GREM2: variants seen among roughly 807,000 people sequenced by gnomAD.
GREM2 encodes gremlin 2, DAN family BMP antagonist.
GREM2 carries 11 observed loss-of-function variants against 14.2 expected under a neutral mutation model. The ratio of observed to expected loss-of-function variants is 0.78; its 90% CI spans 0.49 to 1.28. GREM2 has a LOEUF of 1.28. Among genes scored for constraint, GREM2 ranks in the 50% most tolerant of loss-of-function variants. The pLI is 0.00. For synonymous variants in GREM2, 98 were observed against 97.6 expected, an observed-to-expected ratio of 1.00 and a Z score of -0.02; for missense variants, 210 against 218.5, an observed-to-expected ratio of 0.96 and a Z score of 0.24.
Position 240,545,365 on chromosome 1 carries a change from C to T in GREM2, c.-1-51889G>A, listed in dbSNP as rs533522706. On this transcript the variant is annotated intron_variant, in intron 1 of 1. Coordinates refer to ENST00000318160, the MANE Select transcript of GREM2 (RefSeq NM_022469.4). ...CATGGAAGCTCCACGCCTCTTCGTG[C>T]GTGCCTTGTCCTATACGTCTCTTCA... 9.8e-5 allele frequency among the ~76,000 whole-genome samples: 15 copies of T among 152,360 alleles called. No homozygotes were observed. In the East Asian group the frequency reaches 2.1e-3, roughly 22 times the overall value.
chr1:240,603,376 A>T (rs1232084965), intron 1 of GREM2, among the ~76,000 whole-genome samples: 1 of 152,174 alleles, frequency 6.6e-6, no homozygotes, highest in East Asian at 1.9e-4. Flanking sequence ...GAAGAGATAC[A>T]CATCTCCTCT....
rs145051078 is a variant in GREM2 at position 240,561,032 on chromosome 1, G to A, written c.-2+50852C>T. 1.7e-3 allele frequency among the ~76,000 whole-genome samples: 263 copies of A among 152,162 alleles called. 2 individuals carry two copies. Among genetic ancestry groups the A allele is most frequent in the African/African-American group, 5.9e-3 (243 of 41,502 alleles). On this transcript the variant is annotated intron_variant, in intron 1 of 1. Transcript: ENST00000318160. Reference sequence around the variant, plus strand: ...CTATTTAAGAAAGTTTAGGTCACACGACTTAAGAAATAGATAAGCATCAAT... The same window carrying A: ...CTATTTAAGAAAGTTTAGGTCACACAACTTAAGAAATAGATAAGCATCAAT...
chr1:240,508,702 A>G (rs887381194), intron 1 of GREM2, among the ~76,000 whole-genome samples: 4 of 152,196 alleles, frequency 2.6e-5, no homozygotes, highest in Non-Finnish European at 1.5e-5. Flanking sequence ...TTAACAATCT[A>G]TTACTTGTAT....
intron 1 of GREM2, among the ~76,000 whole-genome samples, chr1:240,549,382 G>C (rs1678800962): frequency 6.6e-6 from 1 of 150,982 alleles, no homozygotes; most frequent in South Asian, 2.1e-4. Flanking sequence ...TGTGCAGATA[G>C]AGAACAGGAG....
chr1:240,514,111 G>A (rs1287761542), intron 1 of GREM2, among the ~76,000 whole-genome samples: 1 of 152,030 alleles, frequency 6.6e-6, no homozygotes, highest in Non-Finnish European at 1.5e-5. Flanking sequence ...GCCAGGCGTG[G>A]TGGCATGCAT....
chr1:240,509,646 G>A (rs1341569145), intron 1 of GREM2, among the ~76,000 whole-genome samples: 2 of 152,104 alleles, frequency 1.3e-5, no homozygotes, highest in African/African-American at 4.8e-5. Flanking sequence ...GGGATTACAG[G>A]CATGAGCCAC....
intron 1 of GREM2, among the ~76,000 whole-genome samples, chr1:240,535,893 T>C (rs1158291833): frequency 1.3e-5 from 2 of 151,294 alleles, no homozygotes; most frequent in Non-Finnish European, 2.9e-5. Context: ...AAGTCTCCCA[T>C]GAAAACCAAC....
intron 1 of GREM2, among the ~76,000 whole-genome samples, chr1:240,537,371 G>T (rs1392653523): frequency 6.6e-6 from 1 of 152,114 alleles, no homozygotes; most frequent in Non-Finnish European, 1.5e-5. Context: ...CTGCCTGGTA[G>T]CCTCTCTGTT....
chr1:240,506,298 C>T (rs1314157962), intron 1 of GREM2, among the ~76,000 whole-genome samples: 6 of 152,178 alleles, frequency 3.9e-5, no homozygotes, highest in African/African-American at 1.4e-4. Flanking sequence ...TTGAATTCTG[C>T]AGCCTCTCTT....
chr1:240,497,105 G>A (rs1350999312), intron 1 of GREM2, among the ~76,000 whole-genome samples: 1 of 152,066 alleles, frequency 6.6e-6, no homozygotes, highest in Non-Finnish European at 1.5e-5. Context: ...CCAGAGAAAG[G>A]CATGCACGTG....
rs1482090864 is a variant in GREM2 at position 240,515,652 on chromosome 1, TA to T, written c.-1-22177del. ...GTACTAGCACTTAAAGAAAAAGGGA[TA>T]GGGGTCATTGCAAAATATTGTAAAT... On this transcript the variant is annotated intron_variant, in intron 1 of 1. Coordinates refer to ENST00000318160, the MANE Select transcript of GREM2 (RefSeq NM_022469.4). Among the ~76,000 whole-genome samples the T allele has an allele frequency of 3.3e-5, 5 of 152,178 alleles. No individual in the cohort carries two copies. In the East Asian group the frequency reaches 7.7e-4, roughly 23 times the overall value.
At chr1:240,528,087 T>A (rs36079414) in intron 1 of GREM2, among the ~76,000 whole-genome samples, 7,615 of 152,306 alleles carry the variant, frequency 0.05, 264 homozygotes, top group Middle Eastern at 0.13. Flanking sequence ...TGTGCTGACA[T>A]CTTGACACAC....
intron 1 of GREM2, among the ~76,000 whole-genome samples, chr1:240,598,034 A>G (rs1269089431): frequency 5.3e-5 from 8 of 152,156 alleles, no homozygotes; most frequent in Non-Finnish European, 1.5e-5. Context: ...TGAAACAGAA[A>G]ATCAGTTCAA....
In GREM2 at chr1:240,565,863, C is replaced by A. The variant is rs867464016; in HGVS notation, c.-2+46021G>T. Among the ~76,000 whole-genome samples the A allele has an allele frequency of 3.8e-3, 538 of 142,088 alleles. 1 individual carries two copies. The highest frequency in any genetic ancestry group is 0.013 in the African/African-American group (458 of 36,484). The allele number at this position is 142,088 out of a possible 152,430, so 93.2% of individuals were successfully genotyped here. A position where few individuals can be genotyped will look rare whatever the true frequency, so the allele number is the denominator to read the frequency against. On this transcript the variant is annotated intron_variant, in intron 1 of 1. Transcript: ENST00000318160. ...TCTGTCTCCAAAAAAAAAAAAAAAA[C>A]AAAACAAAACAGTTATTCAGTTATT...
intron 1 of GREM2, among the ~76,000 whole-genome samples, chr1:240,574,143 A>G (rs1327402544): frequency 6.6e-6 from 1 of 151,984 alleles, no homozygotes; most frequent in African/African-American, 2.4e-5. Flanking sequence ...GCTGGTCTCG[A>G]ATTCCTGACC....
chr1:240,539,979 T>C (rs942811356), intron 1 of GREM2, among the ~76,000 whole-genome samples: 2 of 152,230 alleles, frequency 1.3e-5, no homozygotes, highest in Admixed American at 6.5e-5. Context: ...TGGTGTCTTA[T>C]TGAGTATGAG....
chr1:240,497,411 C>T (rs1407100713), intron 1 of GREM2, among the ~76,000 whole-genome samples: 1 of 151,814 alleles, frequency 6.6e-6, no homozygotes, highest in Non-Finnish European at 1.5e-5. Context: ...ATTGCCTCAC[C>T]CAATTCTGGT....
chr1:240,529,890 C>A (rs12736743), intron 1 of GREM2, among the ~76,000 whole-genome samples: 2 of 152,136 alleles, frequency 1.3e-5, no homozygotes, highest in Admixed American at 6.5e-5. Flanking sequence ...TAAGCAAACA[C>A]AGAGGCAGCC....
At chr1:240,587,775 A>C (rs1423454947) in intron 1 of GREM2, among the ~76,000 whole-genome samples, 1 of 152,178 alleles carries the variant, frequency 6.6e-6, no homozygotes, top group Non-Finnish European at 1.5e-5. Flanking sequence ...GATAGACTAC[A>C]CAATGCTTAA....
Sources: gnomAD v4.1 joint callset for allele counts (sites outside exome capture counted in the v4.1 genomes callset) on GRCh38, gnomAD v4.1.1 for gene constraint, MANE v1.5 for transcripts, NCBI Gene and HGNC (gene_info 2026-07-23, HGNC 2026-07-21) for gene names.